The following HIP1 variants were observed in gnomAD, a reference collection of about 807,000 sequenced individuals.
The protein encoded by HIP1 is huntingtin-interacting protein 1.
Under a neutral mutation model 147.6 loss-of-function variants are expected in HIP1, and 65 were observed. That is an observed-to-expected ratio of 0.44 (90% confidence interval 0.36 to 0.54). The LOEUF (loss-of-function observed/expected upper bound fraction) is 0.54, where lower values mean the gene tolerates loss of function less well. Among genes scored for constraint, HIP1 ranks in the 20% least tolerant of loss-of-function variants. The pLI is 0.00. For synonymous variants in HIP1, 479 were observed against 504.0 expected, an observed-to-expected ratio of 0.95 and a Z score of 0.67; for missense variants, 1,061 against 1,299.6, an observed-to-expected ratio of 0.82 and a Z score of 2.82.
At chr7:75,665,308 G>C (rs1157962963) in intron 1 of HIP1, among the ~76,000 whole-genome samples, 3 of 152,056 alleles carry the variant, frequency 2.0e-5, no homozygotes, top group Non-Finnish European at 4.4e-5. Context: ...TCTGGCTGCA[G>C]GAAGCAGAGG....
Position 75,717,383 on chromosome 7 carries a change from A to G in HIP1, c.120+21418T>C, listed in dbSNP as rs558145535. ...CCCCTATAGCACTTAGAAAGTCATG[A>G]TAAAGTCAACAGTGAACACAGAGTT... On this transcript the variant is annotated intron_variant, in intron 1 of 30. Coordinates refer to ENST00000336926, the MANE Select transcript of HIP1 (RefSeq NM_005338.7). Among the ~76,000 whole-genome samples the G allele has an allele frequency of 2.0e-5, 3 of 152,248 alleles. No individual in the cohort carries two copies. In the East Asian group the frequency reaches 5.8e-4, roughly 29 times the overall value.
At position 75,568,748 on chromosome 7, in the gene HIP1, C is replaced by T. The variant is rs1056294169; in HGVS notation, c.746-492G>A. 6.6e-6 allele frequency among the ~76,000 whole-genome samples: 1 copy of T among 152,180 alleles called. No individual in the cohort carries two copies. Among genetic ancestry groups the T allele is most frequent in the Non-Finnish European group, 1.5e-5 (1 of 68,028 alleles). On this transcript the variant is annotated intron_variant, in intron 8 of 30. Transcript: ENST00000336926. The surrounding 1 kb of genome is among the most constrained non-coding windows in gnomAD (Gnocchi z 4.1). ...TGAAGGCCAGGTGCAGTGGCTCACG[C>T]ATGTAATCCCAGCACTTTGGGAGGC...
Position 75,545,108 on chromosome 7 carries a change from G to C in HIP1, c.2640C>G (p.Gly880=), listed in dbSNP as rs1584775590. 1 of 1,607,260 alleles carries C rather than the reference G, an allele frequency of 6.2e-7. No homozygotes were observed. Residue 880 remains glycine, a synonymous_variant, in exon 26 of 31, where the codon GGC becomes GGG. Transcript: ENST00000336926. ...EGLISASKAV[G]WGATVMVDAA... ...CTTACACCATGACAGTGGCTCCCCA[G>C]CCCACAGCCTTGGAGGCTGAGATAA...
chr7:75,555,694 G>C, intron 18 of HIP1, 143 bp from the exon 19 acceptor site: 2 of 900,362 alleles, frequency 2.2e-6, no homozygotes, highest in African/African-American at 1.7e-5. Flanking sequence ...AGAGAAAGGC[G>C]CTTTAACTGT....
intron 1 of HIP1, among the ~76,000 whole-genome samples, chr7:75,687,998 C>T (rs1800323015): frequency 6.6e-6 from 1 of 152,086 alleles, no homozygotes; most frequent in African/African-American, 2.4e-5. Context: ...CATGTGGTAC[C>T]ACTTTTGTAA....
chr7:75,559,739 C>A lies in HIP1; in HGVS notation c.1368G>T (p.Glu456Asp). 1.3e-6 allele frequency: 1 copy of A among 787,088 alleles called. No homozygotes were observed. Among genetic ancestry groups the A allele is most frequent in the Non-Finnish European group, 1.9e-6 (1 of 520,608 alleles). 48.8% of individuals were successfully genotyped at this position (787,088 alleles called of 1,614,324 possible). A position where few individuals can be genotyped will look rare whatever the true frequency, so the allele number is the denominator to read the frequency against. ...DTEKAQRSLS[E>D]IERKAQANEQ... Reference sequence around the variant, plus strand: ...CCCCCACCCACCGCTCACTTTCTATCTCAGACAGGCTCCGCTGAGCCTTCT... The same window carrying A: ...CCCCCACCCACCGCTCACTTTCTATATCAGACAGGCTCCGCTGAGCCTTCT... Residue 456 changes from glutamate (E) to aspartate (D), a missense_variant, in exon 14 of 31, where the codon GAG becomes GAT. Transcript: ENST00000336926.
rs1159198756 is a variant in HIP1 at position 75,535,758 on chromosome 7, C to T, written c.*2414G>A. 1 of 171,580 alleles carries T rather than the reference C, an allele frequency of 5.8e-6. No homozygotes were observed. The highest frequency in any genetic ancestry group is 2.4e-5 in the African/African-American group (1 of 41,750). 10.6% of individuals were successfully genotyped at this position (171,580 alleles called of 1,614,324 possible). On this transcript the variant is annotated 3_prime_UTR_variant, in exon 31 of 31. Transcript: ENST00000336926. ...CGGAGTTTTGCTCTTGTTGCCCAGG[C>T]TGGAGTACAATGGCGTGATCTCAGC...
intron 1 of HIP1, among the ~76,000 whole-genome samples, chr7:75,697,823 A>T (rs1365582763): frequency 1.3e-5 from 2 of 152,210 alleles, no homozygotes; most frequent in African/African-American, 4.8e-5. Flanking sequence ...AAAACAAAAA[A>T]CAAAAAAGTT....
chr7:75,734,233 G>A (rs746097619), intron 1 of HIP1, among the ~76,000 whole-genome samples: 25 of 151,062 alleles, frequency 1.7e-4, no homozygotes, highest in Middle Eastern at 6.8e-3. Flanking sequence ...GCAACAGAGT[G>A]AGACTCTGTC....
rs1554493288 is a variant in HIP1, at chr7:75,556,182, C to A, written c.1684-13G>T. The A allele has an allele frequency of 2.5e-6, 4 of 1,613,112 alleles. No individual in the cohort carries two copies. The African/African-American group carries it at 5.3e-5, about 22-fold the overall frequency. On this transcript the variant is annotated splice_polypyrimidine_tract_variant and intron_variant, in intron 17 of 30. Transcript: ENST00000336926. ...AGTTTGCTTCTGACTGCAAAGGTGA[C>A]CACAAGGAAAGAGGGAGACGCTGGT... is the stretch of plus-strand genomic sequence containing the variant.
intron 1 of HIP1, among the ~76,000 whole-genome samples, chr7:75,639,541 G>A (rs1798570681): frequency 1.3e-5 from 2 of 151,366 alleles, no homozygotes; most frequent in South Asian, 4.2e-4. Context: ...CGGAGCGAGA[G>A]GCCGCCGGCC....
intron 14 of HIP1, 84 bp from the exon 15 acceptor site, chr7:75,558,339 T>G: frequency 9.6e-7 from 1 of 1,041,450 alleles, no homozygotes; most frequent in East Asian, 2.4e-5. Flanking sequence ...CCCTAGAAGG[T>G]CCTCCTTGTT....
intron 1 of HIP1, among the ~76,000 whole-genome samples, chr7:75,677,403 C>T (rs1350764495): frequency 5.4e-5 from 8 of 149,064 alleles, no homozygotes; most frequent in African/African-American, 7.4e-5. Context: ...GTCAGGAGTT[C>T]GAAACCACCT....
chr7:75,574,898 G>A (rs138112538), intron 7 of HIP1, among the ~76,000 whole-genome samples: 3 of 152,244 alleles, frequency 2.0e-5, no homozygotes, highest in African/African-American at 4.8e-5. Flanking sequence ...AGTGGCTCAC[G>A]CCTGTAATCC....
intron 1 of HIP1, among the ~76,000 whole-genome samples, chr7:75,628,629 C>T (rs1210251732): frequency 6.6e-6 from 1 of 152,186 alleles, no homozygotes; most frequent in African/African-American, 2.4e-5. Flanking sequence ...CAGGCACGTG[C>T]TGCCGCACCC....
rs145313829 is a variant in HIP1 at position 75,595,259 on chromosome 7, C to T, written c.185-2745G>A. On this transcript the variant is annotated intron_variant, in intron 2 of 30. Transcript: ENST00000336926. ...TTCTTTCTTTCTTTCTTTCTTCCTT[C>T]CTTCCTTCCTTCCTTCCTTCCTTCC... Among the ~76,000 whole-genome samples, 714 of 87,590 alleles carry T rather than the reference C, an allele frequency of 8.2e-3. 1 individual carries two copies. The highest frequency in any genetic ancestry group is 0.011 in the Middle Eastern group (2 of 174). The allele number at this position is 87,590 out of a possible 152,430, so 57.5% of individuals were successfully genotyped here. A position where few individuals can be genotyped will look rare whatever the true frequency, so the allele number is the denominator to read the frequency against.
At chr7:75,623,017 G>C (rs1797905512) in intron 1 of HIP1, among the ~76,000 whole-genome samples, 1 of 151,694 alleles carries the variant, frequency 6.6e-6, no homozygotes, top group African/African-American at 2.4e-5. Flanking sequence ...GACCAACATG[G>C]TGAAAGCCTG....
At chr7:75,569,527 T>G (rs1554496172) in intron 8 of HIP1, among the ~76,000 whole-genome samples, 1 of 152,100 alleles carries the variant, frequency 6.6e-6, no homozygotes, top group Non-Finnish European at 1.5e-5. Context: ...GAGGATCTTT[T>G]AAGCCCAGGA....
At chr7:75,724,790 C>CT (rs1221971094) in intron 1 of HIP1, among the ~76,000 whole-genome samples, 1 of 152,228 alleles carries the variant, frequency 6.6e-6, no homozygotes, top group Non-Finnish European at 1.5e-5. Context: ...TAGCAACACT[C>CT]TGAGTCTGGC....
Sources: allele counts gnomAD v4.1 joint callset (sites outside exome capture counted in the v4.1 genomes callset), GRCh38; gene constraint gnomAD v4.1.1; non-coding constraint Gnocchi (gnomAD v3.1); transcripts MANE v1.5; gene names NCBI Gene and HGNC (gene_info 2026-07-23, HGNC 2026-07-21).